Variants in ADAMTSL1 observed in about 807,000 individuals in gnomAD.
The protein encoded by ADAMTSL1 is ADAMTS-like protein 1.
In ADAMTSL1, 126 loss-of-function variants were observed where a neutral mutation model predicts 201.8. The ratio of observed to expected loss-of-function variants is 0.62; its 90% CI spans 0.54 to 0.72. ADAMTSL1 has a LOEUF of 0.72. ADAMTSL1 is among the 30% of genes least tolerant of loss of function. The pLI is 0.00. For missense variants in ADAMTSL1, 2,679 were observed against 2,277.8 expected (o/e 1.18, Z -3.59); for synonymous variants, 1,121 against 903.4 (o/e 1.24, Z -4.32).
chr9:18,027,132 T>C (rs1820733096), intron 1 of ADAMTSL1, among the ~76,000 whole-genome samples: 1 of 151,680 alleles, frequency 6.6e-6, no homozygotes, highest in Admixed American at 6.6e-5. Flanking sequence ...GCTAGTGATC[T>C]ATTGAACTTG....
intron 1 of ADAMTSL1, among the ~76,000 whole-genome samples, chr9:18,118,248 C>T (rs902443018): frequency 2.6e-5 from 4 of 152,180 alleles, no homozygotes; most frequent in South Asian, 2.1e-4. Flanking sequence ...GTGATTCTTG[C>T]TAATGATCAG....
At chr9:18,654,600 A>C (rs1445011239) in intron 7 of ADAMTSL1, among the ~76,000 whole-genome samples, 3 of 152,244 alleles carry the variant, frequency 2.0e-5, no homozygotes, top group Non-Finnish European at 2.9e-5. Context: ...TTTCAAAATT[A>C]GGTATTTATA....
At chr9:18,245,751 T>C (rs182606743) in intron 2 of ADAMTSL1, among the ~76,000 whole-genome samples, 32 of 152,064 alleles carry the variant, frequency 2.1e-4, no homozygotes, top group African/African-American at 4.8e-4. Context: ...CAAAGGAATC[T>C]GGTCTAAATT....
intron 3 of ADAMTSL1, among the ~76,000 whole-genome samples, chr9:18,551,449 A>G (rs1033547522): frequency 2.0e-5 from 3 of 151,386 alleles, no homozygotes; most frequent in African/African-American, 7.3e-5. Context: ...AGTTTATTTT[A>G]TATTGAGATT....
chr9:18,558,800 A>G (rs1012919152), intron 3 of ADAMTSL1, among the ~76,000 whole-genome samples: 1 of 152,136 alleles, frequency 6.6e-6, no homozygotes, highest in Admixed American at 6.5e-5. Context: ...TTGGCCACAT[A>G]AATGTCTTCT....
Position 18,636,450 on chromosome 9 carries a change from A to T in ADAMTSL1, c.676+433A>T, listed in dbSNP as rs141056558. On this transcript the variant is annotated intron_variant, in intron 6 of 28. Coordinates refer to ENST00000380548, the MANE Select transcript of ADAMTSL1 (RefSeq NM_001040272.6). The stretch of plus-strand genomic sequence containing the variant: ...TCATTACTTCCATCAATCCAGAGGA[A>T]CATAGAAACACCAAACAACCTTAAC... Among the ~76,000 whole-genome samples the T allele has an allele frequency of 4.3e-3, 657 of 152,304 alleles. 6 individuals carry two copies. Among genetic ancestry groups the T allele is most frequent in the African/African-American group, 0.015 (639 of 41,576 alleles).
intron 4 of ADAMTSL1, among the ~76,000 whole-genome samples, chr9:18,601,109 A>G (rs1212073080): frequency 1.3e-5 from 2 of 152,200 alleles, no homozygotes; most frequent in African/African-American, 2.4e-5. Flanking sequence ...TACATTTCCT[A>G]ATAGAGTTTC....
chr9:18,025,702 T>C (rs1820665324), intron 1 of ADAMTSL1, among the ~76,000 whole-genome samples: 2 of 152,248 alleles, frequency 1.3e-5, no homozygotes, highest in Non-Finnish European at 2.9e-5. Context: ...TCTAGCTTTG[T>C]TCTTTTTGCT....
chr9:18,697,997 C>T (rs1831663665), intron 13 of ADAMTSL1, among the ~76,000 whole-genome samples: 1 of 152,114 alleles, frequency 6.6e-6, no homozygotes, highest in Admixed American at 6.5e-5. Flanking sequence ...CCTCATCGGT[C>T]TATTAAATGG....
At chr9:18,058,150 T>G (rs901503986) in intron 1 of ADAMTSL1, among the ~76,000 whole-genome samples, 1 of 152,228 alleles carries the variant, frequency 6.6e-6, no homozygotes, top group Non-Finnish European at 1.5e-5. Context: ...AATGGAAGAA[T>G]AAATGAAAGA....
intron 1 of ADAMTSL1, among the ~76,000 whole-genome samples, chr9:18,004,062 CTT>C (rs888648070): frequency 2.6e-5 from 4 of 151,984 alleles, no homozygotes; most frequent in Non-Finnish European, 5.9e-5. Flanking sequence ...AATGTAATCA[CTT>C]ATATACCGAA....
chr9:17,954,394 G>C (rs1827848576), intron 1 of ADAMTSL1, among the ~76,000 whole-genome samples: 1 of 152,304 alleles, frequency 6.6e-6, no homozygotes, highest in South Asian at 2.1e-4. Context: ...AGAATTTTCA[G>C]CCATCGTTAA....
intron 2 of ADAMTSL1, among the ~76,000 whole-genome samples, chr9:18,358,684 A>G (rs755395459): frequency 2.6e-5 from 4 of 152,194 alleles, no homozygotes; most frequent in Non-Finnish European, 5.9e-5. Flanking sequence ...AGCTTCATCC[A>G]TGGTATTGCA....
intron 2 of ADAMTSL1, among the ~76,000 whole-genome samples, chr9:18,387,012 GAAGTAT>G (rs1413977283): frequency 6.6e-6 from 1 of 152,038 alleles, no homozygotes; most frequent in African/African-American, 2.4e-5. Flanking sequence ...TGATGTGGTA[GAAGTAT>G]ATTTATTGAT....
chr9:17,988,947 C>G (rs1819035289), intron 1 of ADAMTSL1, among the ~76,000 whole-genome samples: 1 of 151,822 alleles, frequency 6.6e-6, no homozygotes, highest in Non-Finnish European at 1.5e-5. Context: ...CTTTCCCATG[C>G]ATGACATTAA....
chr9:18,418,219 A>T (rs555833844), intron 2 of ADAMTSL1, among the ~76,000 whole-genome samples: 2 of 152,326 alleles, frequency 1.3e-5, no homozygotes, highest in Admixed American at 1.3e-4. Flanking sequence ...TATCTGCTAA[A>T]AAACCCAACC....
intron 2 of ADAMTSL1, among the ~76,000 whole-genome samples, chr9:18,242,869 T>G (rs1481466016): frequency 1.3e-5 from 2 of 152,146 alleles, no homozygotes; most frequent in Non-Finnish European, 2.9e-5. Flanking sequence ...TGGATTGATA[T>G]CTCATGTTCA....
At chr9:18,371,897 T>G (rs145358730) in intron 2 of ADAMTSL1, among the ~76,000 whole-genome samples, 17 of 152,334 alleles carry the variant, frequency 1.1e-4, no homozygotes, top group African/African-American at 3.4e-4. Flanking sequence ...AGCTCTGATG[T>G]TAGATCTCTG....
At chr9:18,785,511 G>A (rs1821657848) in intron 19 of ADAMTSL1, among the ~76,000 whole-genome samples, 2 of 152,222 alleles carry the variant, frequency 1.3e-5, no homozygotes, top group Non-Finnish European at 2.9e-5. Flanking sequence ...GTCTGTGACT[G>A]CACATGTTTA....
Sources: allele counts gnomAD v4.1 joint callset (sites outside exome capture counted in the v4.1 genomes callset), GRCh38; gene constraint gnomAD v4.1.1; transcripts MANE v1.5; gene names NCBI Gene and HGNC (gene_info 2026-07-23, HGNC 2026-07-21).